Variants in NDUFS4 observed in about 807,000 individuals in gnomAD.
The protein encoded by NDUFS4 is NADH:ubiquinone oxidoreductase subunit S4, also known as NADH dehydrogenase [ubiquinone] iron-sulfur protein 4, mitochondrial.
Under a neutral mutation model 24.3 loss-of-function variants are expected in NDUFS4, and 28 were observed. The observed-to-expected ratio is 1.15, with a 90% CI of 0.85 to 1.58. The LOEUF (loss-of-function observed/expected upper bound fraction) is 1.58. Ranked by LOEUF, NDUFS4 falls within the 40% of genes most tolerant of loss-of-function variation. The pLI is 0.00. For synonymous variants in NDUFS4, 93 were observed against 69.7 expected (o/e 1.34, Z -1.67); for missense variants, 223 against 207.9 (o/e 1.07, Z -0.45).
intron 2 of NDUFS4, among the ~76,000 whole-genome samples, chr5:53,618,530 T>A (rs1750924790): frequency 6.6e-6 from 1 of 152,164 alleles, no homozygotes; most frequent in Non-Finnish European, 1.5e-5. Flanking sequence ...TGTGTATACG[T>A]ATGTACATGT....
chr5:53,598,789 A>G (rs1436864995), intron 1 of NDUFS4, among the ~76,000 whole-genome samples: 1 of 152,214 alleles, frequency 6.6e-6, no homozygotes, highest in Non-Finnish European at 1.5e-5. Context: ...TTTCATTTTC[A>G]GGATATCTCT....
At chr5:53,587,133 A>G (rs1363143599) in intron 1 of NDUFS4, among the ~76,000 whole-genome samples, 1 of 151,930 alleles carries the variant, frequency 6.6e-6, no homozygotes, top group African/African-American at 2.4e-5. Flanking sequence ...CGAGTTATAT[A>G]TATATAAAAT....
chr5:53,659,639 T>C (rs925884112), intron 4 of NDUFS4, among the ~76,000 whole-genome samples: 8 of 152,206 alleles, frequency 5.3e-5, no homozygotes, highest in African/African-American at 1.9e-4. Flanking sequence ...GTTATTCTAG[T>C]TTCTCAAATT....
intron 2 of NDUFS4, among the ~76,000 whole-genome samples, chr5:53,631,261 G>C (rs1158024758): frequency 6.6e-6 from 1 of 152,098 alleles, no homozygotes; most frequent in African/African-American, 2.4e-5. Context: ...TGGAAGCTTC[G>C]TCCCATAGAG....
intron 1 of NDUFS4, among the ~76,000 whole-genome samples, chr5:53,594,549 T>C (rs1750072883): frequency 6.6e-6 from 1 of 151,654 alleles, no homozygotes; most frequent in Non-Finnish European, 1.5e-5. Flanking sequence ...ATCATTAATA[T>C]TAATGTCTAT....
At chr5:53,625,762 C>T (rs1054351385) in intron 2 of NDUFS4, among the ~76,000 whole-genome samples, 3 of 151,998 alleles carry the variant, frequency 2.0e-5, no homozygotes, top group African/African-American at 7.3e-5. Flanking sequence ...TTTTGTCCAT[C>T]TTTTTTCTTG....
At chr5:53,618,310 A>G (rs1561365879) in intron 2 of NDUFS4, among the ~76,000 whole-genome samples, 2 of 152,178 alleles carry the variant, frequency 1.3e-5, no homozygotes, top group African/African-American at 4.8e-5. Flanking sequence ...TATGTTCATT[A>G]TTCACTAAAA....
chr5:53,643,934 G>T (rs1350519548), intron 2 of NDUFS4, among the ~76,000 whole-genome samples: 1 of 152,086 alleles, frequency 6.6e-6, no homozygotes, highest in Non-Finnish European at 1.5e-5. Flanking sequence ...ATAAATAATT[G>T]CTGTAATTCG....
At chr5:53,626,699 A>G (rs1287820225) in intron 2 of NDUFS4, among the ~76,000 whole-genome samples, 1 of 152,144 alleles carries the variant, frequency 6.6e-6, no homozygotes, top group Non-Finnish European at 1.5e-5. Context: ...GTGTCTGTTC[A>G]TATCCTTCAC....
At chr5:53,587,032 C>T (rs953320483) in intron 1 of NDUFS4, among the ~76,000 whole-genome samples, 11 of 152,014 alleles carry the variant, frequency 7.2e-5, no homozygotes, top group African/African-American at 2.7e-4. Context: ...CCATGTTGGC[C>T]AGGCTGGTTT....
intron 1 of NDUFS4, among the ~76,000 whole-genome samples, chr5:53,561,959 G>A (rs1748859985): frequency 6.6e-6 from 1 of 151,692 alleles, no homozygotes; most frequent in Non-Finnish European, 1.5e-5. Flanking sequence ...GGCAAATGAT[G>A]TTTGTAATTA....
intron 1 of NDUFS4, among the ~76,000 whole-genome samples, chr5:53,602,330 G>A (rs754896266): frequency 2.0e-5 from 3 of 151,960 alleles, no homozygotes; most frequent in Non-Finnish European, 4.4e-5. Flanking sequence ...TTCCATGTTA[G>A]TACATTTTGT....
intron 4 of NDUFS4, among the ~76,000 whole-genome samples, chr5:53,659,010 G>A (rs774479645): frequency 2.0e-5 from 3 of 151,990 alleles, no homozygotes; most frequent in East Asian, 1.9e-4. Flanking sequence ...TCAGCCAAAC[G>A]TAATGCCAAA....
chr5:53,614,442 C>T (rs548971970), intron 2 of NDUFS4, among the ~76,000 whole-genome samples: 35 of 152,004 alleles, frequency 2.3e-4, no homozygotes, highest in African/African-American at 8.4e-4. Flanking sequence ...AAAGATCTTT[C>T]CCCTACAGTA....
chr5:53,560,922 C>A (rs1748819370), intron 1 of NDUFS4, among the ~76,000 whole-genome samples, 162 bp downstream of exon 1: 1 of 152,104 alleles, frequency 6.6e-6, no homozygotes, highest in African/African-American at 2.4e-5. Context: ...TATCAATGGG[C>A]GTTGGCCAGG....
chr5:53,613,870 T>A (rs1336511327), intron 2 of NDUFS4, among the ~76,000 whole-genome samples: 1 of 152,008 alleles, frequency 6.6e-6, no homozygotes, highest in Non-Finnish European at 1.5e-5. Flanking sequence ...ATGGAAAATG[T>A]TAAGACTTCT....
rs150281090 is a variant in NDUFS4, at chr5:53,563,530, TCG to T, written c.98+2772_98+2773del. On this transcript the variant is annotated intron_variant, in intron 1 of 4. Coordinates refer to ENST00000296684, the MANE Select transcript of NDUFS4 (RefSeq NM_002495.4). ...TTTTTTTTTTTTTGGAGATGTAGTTTCGCTCTTGTCACCCATTCTAGAGTGCA... is the reference window on the plus strand; with the variant it reads ...TTTTTTTTTTTTTGGAGATGTAGTTTCTCTTGTCACCCATTCTAGAGTGCA... 5.9e-4 allele frequency among the ~76,000 whole-genome samples: 90 copies of T among 151,900 alleles called. 1 individual carries two copies. The East Asian group carries it at 0.014, about 24-fold the overall frequency.
In NDUFS4 at chr5:53,617,309, A is replaced by C. The variant is rs184246562; in HGVS notation, c.177+13779A>C. 3.3e-5 allele frequency among the ~76,000 whole-genome samples: 5 copies of C among 151,874 alleles called. No homozygotes were observed. The East Asian group carries it at 9.7e-4, about 29-fold the overall frequency. On this transcript the variant is annotated intron_variant, in intron 2 of 4. Transcript: ENST00000296684. ...TCTGCTTCTTGAAATCTCTCTTCAC[A>C]GTTTGTATGGCTTTTCCCCTCTGTC...
At chr5:53,623,043 G>A (rs1412382965) in intron 2 of NDUFS4, among the ~76,000 whole-genome samples, 1 of 152,120 alleles carries the variant, frequency 6.6e-6, no homozygotes, top group Non-Finnish European at 1.5e-5. Flanking sequence ...CATTTGGATT[G>A]TTTCTAGGGC....
Sources: allele counts gnomAD v4.1 joint callset (sites outside exome capture counted in the v4.1 genomes callset), GRCh38; gene constraint gnomAD v4.1.1; transcripts MANE v1.5; gene names NCBI Gene and HGNC (gene_info 2026-07-23, HGNC 2026-07-21).